The following ZSCAN21 variants were observed in gnomAD, a reference collection of about 807,000 sequenced individuals.
The protein encoded by ZSCAN21 is zinc finger and SCAN domain containing 21.
Under a neutral mutation model 35.6 loss-of-function variants are expected in ZSCAN21, and 26 were observed. The observed-to-expected ratio is 0.73, with a 90% CI of 0.54 to 1.01. The LOEUF (loss-of-function observed/expected upper bound fraction) is 1.01, where lower values mean the gene tolerates loss of function less well. Among genes scored for constraint, ZSCAN21 ranks in the 50% least tolerant of loss-of-function variants. The probability of loss-of-function intolerance (pLI) is 0.00; values close to 1 mark genes in which losing one functional copy is unlikely to be tolerated. For missense variants in ZSCAN21, 593 were observed against 587.1 expected, an observed-to-expected ratio of 1.01 and a Z score of -0.10; for synonymous variants, 219 against 219.3, an observed-to-expected ratio of 1.00 and a Z score of 0.01.
At position 100,064,612 on chromosome 7, in the gene ZSCAN21, C is replaced by T; in HGVS notation, c.1417C>T (p.Pro473Ser). The change falls in exon 4 of 4, where the codon CCG becomes TCG. Residue 473 changes from proline to serine, a missense_variant. Pro to Ser is a moderately conservative substitution (Grantham distance 74). Coordinates refer to ENST00000292450, the MANE Select transcript of ZSCAN21 (RefSeq NM_145914.3). Reference sequence around the variant, plus strand: ...AGTCCACACTGGAGAGGGAGAAGCACCGTAACTTTCAAGCGCTCCTGTTGT... The same window carrying T: ...AGTCCACACTGGAGAGGGAGAAGCATCGTAACTTTCAAGCGCTCCTGTTGT... ...QRVHTGEGEA[P>S] is the part of the protein sequence containing the mutation. 1 of 1,612,624 alleles carries T rather than the reference C, an allele frequency of 6.2e-7. No homozygotes were observed. The highest frequency in any genetic ancestry group is 8.5e-7 in the Non-Finnish European group (1 of 1,179,304).
chr7:100,062,079 G>T (rs1176212948), intron 3 of ZSCAN21, among the ~76,000 whole-genome samples: 2 of 152,212 alleles, frequency 1.3e-5, no homozygotes, highest in East Asian at 3.8e-4. Context: ...CTTTCATTCT[G>T]ATTGATACGG....
chr7:100,065,025 T>G lies in ZSCAN21; in HGVS notation c.*408T>G, dbSNP rs1040438996. 1.5e-6 allele frequency: 2 copies of G among 1,349,802 alleles called. No individual in the cohort carries two copies. The highest frequency in any genetic ancestry group is 1.4e-5 in the South Asian group (1 of 72,840). The allele number at this position is 1,349,802 out of a possible 1,614,324, so 83.6% of individuals were successfully genotyped here. ...CAATTGAATGAGATTCAGAATAAAC[T>G]TATAACATCTTGTAATGCCTCAGGA... On this transcript the variant is annotated 3_prime_UTR_variant, in exon 4 of 4. Transcript: ENST00000292450.
chr7:100,064,115 G>A lies in ZSCAN21; in HGVS notation c.920G>A (p.Cys307Tyr). The change falls in exon 4 of 4, where the codon TGC becomes TAC. Residue 307 changes from cysteine to tyrosine, a missense_variant. Coordinates refer to ENST00000292450, the MANE Select transcript of ZSCAN21 (RefSeq NM_145914.3). ...CACACTGGGGAGAAACCTTACGTGT[G>A]CACCAAGTGTGGGAAAGCTTTCAGC... ...RTHTGEKPYV[C>Y]TKCGKAFSHS... 2 of 1,614,138 alleles carry A rather than the reference G, an allele frequency of 1.2e-6. No homozygotes were observed. Among genetic ancestry groups the A allele is most frequent in the Non-Finnish European group, 1.7e-6 (2 of 1,180,038 alleles).
At chr7:100,062,281 C>CTTTTTT (rs921079005) in intron 3 of ZSCAN21, among the ~76,000 whole-genome samples, 2 of 96,610 alleles carry the variant, frequency 2.1e-5, no homozygotes, top group Admixed American at 1.1e-4. Flanking sequence ...CTCAACTGTT[C>CTTTTTT]TTTTTTTTTT....
In ZSCAN21 at chr7:100,064,949, T is replaced by C; in HGVS notation, c.*332T>C. The C allele has an allele frequency of 6.2e-7, 1 of 1,607,572 alleles. No homozygotes were observed. Among genetic ancestry groups the C allele is most frequent in the Admixed American group, 1.7e-5 (1 of 59,154 alleles). ...AGAAACATTAAGATTGTTTAATTTTTAACATATATTCAAGAATTTTAATTT... is the reference window on the plus strand; with the variant it reads ...AGAAACATTAAGATTGTTTAATTTTCAACATATATTCAAGAATTTTAATTT... On this transcript the variant is annotated 3_prime_UTR_variant, in exon 4 of 4. Coordinates refer to ENST00000292450, the MANE Select transcript of ZSCAN21 (RefSeq NM_145914.3).
At chr7:100,062,282 T>C (rs1792339509) in intron 3 of ZSCAN21, among the ~76,000 whole-genome samples, 1 of 117,460 alleles carries the variant, frequency 8.5e-6, no homozygotes, top group Non-Finnish European at 1.8e-5. Context: ...TCAACTGTTC[T>C]TTTTTTTTTT....
chr7:100,051,277 A>ATTT (rs1376849857), intron 1 of ZSCAN21, among the ~76,000 whole-genome samples: 4 of 45,096 alleles, frequency 8.9e-5, no homozygotes, highest in Admixed American at 3.2e-4. Flanking sequence ...GGATCTAGGG[A>ATTT]TTTTCTTTTT....
rs529043579 is a variant in ZSCAN21 at position 100,050,721 on chromosome 7, G to T, written c.-97+880G>T. The stretch of plus-strand genomic sequence containing the variant: ...TCACAAAAAAAAAGAACGTTGATTT[G>T]ATGGGTGAGGTACTTGGAAACCCAC... On this transcript the variant is annotated intron_variant, in intron 1 of 3. Transcript: ENST00000292450. Among the ~76,000 whole-genome samples, 15 of 152,080 alleles carry T rather than the reference G, an allele frequency of 9.9e-5. 1 individual carries two copies. The highest frequency in any genetic ancestry group is 3.4e-4 in the African/African-American group (14 of 41,486).
intron 3 of ZSCAN21, 34 bp downstream of exon 3, chr7:100,057,924 C>A: frequency 6.8e-7 from 1 of 1,473,378 alleles, no homozygotes. Flanking sequence ...TATTCAGTGC[C>A]CCAGGCCCCT....
chr7:100,057,073 C>T lies in ZSCAN21; in HGVS notation c.67C>T (p.Pro23Ser). 6.2e-7 allele frequency: 1 copy of T among 1,614,010 alleles called. No homozygotes were observed. Among genetic ancestry groups the T allele is most frequent in the Non-Finnish European group, 8.5e-7 (1 of 1,179,998 alleles). The change falls in exon 2 of 4, where the codon CCT (proline) becomes TCT (serine). Residue 23 changes from proline (P) to serine (S), a missense_variant. Transcript: ENST00000292450. ...GPRPPQEQVG[P>S]LMVKVEEKEE... The stretch of plus-strand genomic sequence containing the variant: ...TAGGCCTCCACAGGAGCAGGTGGGG[C>T]CTCTGATGGTAAAAGTCGAGGAGAA...
At chr7:100,050,450 TA>T (rs1201571486) in intron 1 of ZSCAN21, among the ~76,000 whole-genome samples, 1 of 152,160 alleles carries the variant, frequency 6.6e-6, no homozygotes, top group African/African-American at 2.4e-5. Context: ...CTCACGCCTG[TA>T]ATCCCAGCAG....
Position 100,064,600 on chromosome 7 carries a change from G to A in ZSCAN21, c.1405G>A (p.Glu469Lys), listed in dbSNP as rs764033094. 3.7e-5 allele frequency: 59 copies of A among 1,613,752 alleles called. No individual in the cohort carries two copies. Among genetic ancestry groups the A allele is most frequent in the Non-Finnish European group, 1.0e-5 (12 of 1,179,884 alleles). Residue 469 changes from glutamate (E) to lysine (K), a missense_variant, in exon 4 of 4, where the codon GAG (glutamate) becomes AAG (lysine). Coordinates refer to ENST00000292450, the MANE Select transcript of ZSCAN21 (RefSeq NM_145914.3). ...CAAACATCAGCGAGTCCACACTGGAGAGGGAGAAGCACCGTAACTTTCAAG... is the reference window on the plus strand; with the variant it reads ...CAAACATCAGCGAGTCCACACTGGAAAGGGAGAAGCACCGTAACTTTCAAG... ...LSKHQRVHTG[E>K]GEAP
Position 100,064,246 on chromosome 7 carries a change from C to T in ZSCAN21, c.1051C>T (p.Gln351Ter). ...GCAGAGCTCAGACCTTCTTAAACATCAGAGAATGCACACAGAAGAGGCGCC... is the reference window on the plus strand; with the variant it reads ...GCAGAGCTCAGACCTTCTTAAACATTAGAGAATGCACACAGAAGAGGCGCC... ...FGQSSDLLKH[Q>*]RMHTEEAPYQ... The change falls in exon 4 of 4, where the codon CAG (glutamine) becomes TAG (stop). Residue 351 changes from glutamine to a stop codon, truncating the protein, a stop_gained. Transcript: ENST00000292450. LOFTEE classifies it high-confidence loss of function. 1 of 1,614,076 alleles carries T rather than the reference C, an allele frequency of 6.2e-7. No homozygotes were observed. The highest frequency in any genetic ancestry group is 8.5e-7 in the Non-Finnish European group (1 of 1,180,034).
At chr7:100,060,261 G>C (rs1792232381) in intron 3 of ZSCAN21, among the ~76,000 whole-genome samples, 1 of 152,106 alleles carries the variant, frequency 6.6e-6, no homozygotes, top group Non-Finnish European at 1.5e-5. Context: ...CTGTTCCAGA[G>C]GAGGCGGAAA....
chr7:100,064,658 G>T lies in ZSCAN21; in HGVS notation c.*41G>T, dbSNP rs1287840403. The T allele has an allele frequency of 1.2e-6, 2 of 1,602,858 alleles. No homozygotes were observed. The highest frequency in any genetic ancestry group is 1.7e-6 in the Non-Finnish European group (2 of 1,173,888). On this transcript the variant is annotated 3_prime_UTR_variant, in exon 4 of 4. Transcript: ENST00000292450. ...GTTGTTGTCGTTGTTTTAAACTTTA[G>T]AATCTGAAAACCAGAAAGAAGTCTT...
rs572844488 is a variant in ZSCAN21, at chr7:100,057,448, T to C, written c.399+43T>C. On this transcript the variant is annotated intron_variant, in intron 2 of 3. Coordinates refer to ENST00000292450, the MANE Select transcript of ZSCAN21 (RefSeq NM_145914.3). ...TTGTTATTCTAGGAGATTGGGAGCG[T>C]AACATTCTAGGCAGGAACAAGGGTT... The C allele has an allele frequency of 1.9e-5, 28 of 1,507,080 alleles. No homozygotes were observed. The East Asian group carries it at 4.3e-4, about 23-fold the overall frequency. The allele number at this position is 1,507,080 out of a possible 1,614,324, so 93.4% of individuals were successfully genotyped here. A position where few individuals can be genotyped will look rare whatever the true frequency, so the allele number is the denominator to read the frequency against.
chr7:100,057,674 C>A (rs1191930053), intron 2 of ZSCAN21, 24 bp from the exon 3 acceptor site: 8 of 1,586,268 alleles, frequency 5.0e-6, no homozygotes. Flanking sequence ...ATGCACAAAC[C>A]TAGCCATTCC....
chr7:100,059,352 G>A (rs969679171), intron 3 of ZSCAN21, among the ~76,000 whole-genome samples: 6 of 152,298 alleles, frequency 3.9e-5, no homozygotes, highest in African/African-American at 7.2e-5. Context: ...AAAAATAGCC[G>A]GAGACCTATC....
At chr7:100,053,546 A>ATACATACATACATAG (rs755978112) in intron 1 of ZSCAN21, among the ~76,000 whole-genome samples, 6 of 79,516 alleles carry the variant, frequency 7.5e-5, no homozygotes, top group African/African-American at 2.2e-4. Context: ...TACATACATA[A>ATACATACATACATAG]TTTTTTTTTT....
Sources: allele counts gnomAD v4.1 joint callset (sites outside exome capture counted in the v4.1 genomes callset), GRCh38; gene constraint gnomAD v4.1.1; transcripts MANE v1.5; gene names NCBI Gene and HGNC (gene_info 2026-07-23, HGNC 2026-07-21).